The following CCDC93 variants were observed in gnomAD, a reference collection of about 807,000 sequenced individuals.
CCDC93 encodes CCC complex scaffolding subunit CCDC93.
Under a neutral mutation model 108.2 loss-of-function variants are expected in CCDC93, and 61 were observed. The ratio of observed to expected loss-of-function variants is 0.56; its 90% CI spans 0.46 to 0.70. The LOEUF is 0.70. CCDC93 is among the 30% of genes least tolerant of loss of function. CCDC93 has a pLI of 0.00. For missense variants in CCDC93, 685 were observed against 764.2 expected (o/e 0.90, Z 1.22); for synonymous variants, 276 against 260.4 (o/e 1.06, Z -0.58).
At chr2:118,006,395 G>A (rs1410889544) in intron 3 of CCDC93, among the ~76,000 whole-genome samples, 1 of 152,172 alleles carries the variant, frequency 6.6e-6, no homozygotes, top group Admixed American at 6.5e-5. Context: ...AGACCATGCT[G>A]CTTTCTCTCG....
chr2:117,924,308 G>T (rs145187311), intron 23 of CCDC93, among the ~76,000 whole-genome samples: 1 of 152,180 alleles, frequency 6.6e-6, no homozygotes, highest in Non-Finnish European at 1.5e-5. Context: ...AGAGAAGAAC[G>T]CTTCAGACGA....
At chr2:117,990,481 C>A (rs745822725) in intron 6 of CCDC93, among the ~76,000 whole-genome samples, 1 of 152,188 alleles carries the variant, frequency 6.6e-6, no homozygotes, top group Non-Finnish European at 1.5e-5. Context: ...AAGTTCACAG[C>A]GGCCTTTCTG....
chr2:117,924,975 C>G (rs1302615513), intron 23 of CCDC93, among the ~76,000 whole-genome samples: 1 of 152,206 alleles, frequency 6.6e-6, no homozygotes, highest in Non-Finnish European at 1.5e-5. Flanking sequence ...CAATATTCAA[C>G]ATTCCTAAAG....
chr2:117,968,480 A>T, intron 11 of CCDC93, among the ~76,000 whole-genome samples: 1 of 152,204 alleles, frequency 6.6e-6, no homozygotes, highest in East Asian at 1.9e-4. Context: ...TACTCAGCCT[A>T]GAGTCTACGG....
At chr2:117,958,285 T>G (rs1679280200) in intron 12 of CCDC93, 80 bp downstream of exon 12, 3 of 901,350 alleles carry the variant, frequency 3.3e-6, no homozygotes, top group Admixed American at 1.8e-5. Flanking sequence ...CACCACAGTA[T>G]GCCAACCCCC....
chr2:117,958,326 T>A, intron 12 of CCDC93, 39 bp downstream of exon 12: 1 of 1,301,762 alleles, frequency 7.7e-7, no homozygotes, highest in Non-Finnish European at 1.1e-6. Flanking sequence ...CAATCTACCA[T>A]GAAGATCTTG....
At chr2:117,970,715 C>G (rs962092423) in intron 11 of CCDC93, among the ~76,000 whole-genome samples, 3 of 152,168 alleles carry the variant, frequency 2.0e-5, no homozygotes, top group Non-Finnish European at 4.4e-5. Flanking sequence ...TGGATGAGTT[C>G]TCTGTAACCT....
intron 6 of CCDC93, among the ~76,000 whole-genome samples, chr2:117,987,749 A>G (rs903654796): frequency 1.5e-4 from 23 of 152,250 alleles, no homozygotes; most frequent in Admixed American, 7.2e-4. Context: ...AGATTAATAA[A>G]AAATCTACCA....
chr2:117,997,979 G>C (rs1037902253), intron 4 of CCDC93: 2 of 152,238 alleles, frequency 1.3e-5, no homozygotes, highest in Non-Finnish European at 2.9e-5. Flanking sequence ...CATTATGAAG[G>C]GAAAGCTTGT....
intron 15 of CCDC93, 59 bp downstream of exon 15, chr2:117,948,046 G>A (rs1321649189): frequency 7.3e-7 from 1 of 1,376,154 alleles, no homozygotes; most frequent in Non-Finnish European, 1.0e-6. Context: ...GACAACGGAG[G>A]TAAACCAAGA....
chr2:117,980,097 A>T (rs2104791172), intron 7 of CCDC93, among the ~76,000 whole-genome samples: 1 of 152,308 alleles, frequency 6.6e-6, no homozygotes, highest in South Asian at 2.1e-4. Context: ...AAGCCGCTAT[A>T]GCACCAGCTT....
chr2:117,965,003 C>G (rs1182086477), intron 11 of CCDC93, among the ~76,000 whole-genome samples: 2 of 151,994 alleles, frequency 1.3e-5, no homozygotes, highest in African/African-American at 4.8e-5. Context: ...AACAGGAATA[C>G]AAAGATAAAA....
At chr2:117,964,018 G>C (rs892591899) in intron 11 of CCDC93, among the ~76,000 whole-genome samples, 31 of 152,266 alleles carry the variant, frequency 2.0e-4, no homozygotes, top group African/African-American at 7.5e-4. Flanking sequence ...TACTAATTAC[G>C]TAAGAGTCGA....
chr2:117,966,974 C>T (rs1240173621), intron 11 of CCDC93, among the ~76,000 whole-genome samples: 3 of 152,168 alleles, frequency 2.0e-5, no homozygotes, highest in African/African-American at 7.2e-5. Context: ...TGACATTCTT[C>T]GGGCTAGGAT....
intron 3 of CCDC93, among the ~76,000 whole-genome samples, chr2:118,003,142 A>G (rs1676758082): frequency 6.6e-6 from 1 of 152,174 alleles, no homozygotes; most frequent in Non-Finnish European, 1.5e-5. Flanking sequence ...TTTGGGACAC[A>G]TGCATCTTTT....
At chr2:117,944,229 G>A in intron 17 of CCDC93, 143 bp from the exon 18 acceptor site, 1 of 572,352 alleles carries the variant, frequency 1.7e-6, no homozygotes, top group South Asian at 2.6e-5. Flanking sequence ...CAAGTTTACT[G>A]TCTGGGTCCT....
intron 6 of CCDC93, among the ~76,000 whole-genome samples, chr2:117,991,995 G>C (rs1269917249): frequency 6.6e-6 from 1 of 152,142 alleles, no homozygotes; most frequent in African/African-American, 2.4e-5. Context: ...GTAGAAGGGA[G>C]GGAGGAAAGT....
At chr2:117,955,333 T>G (rs1363669772) in intron 12 of CCDC93, among the ~76,000 whole-genome samples, 1 of 152,156 alleles carries the variant, frequency 6.6e-6, no homozygotes, top group East Asian at 1.9e-4. Flanking sequence ...GCATCTCAGA[T>G]GCCTTCTGCC....
chr2:117,935,926 AATTTC>A (rs1200971678), intron 21 of CCDC93: 1 of 174,016 alleles, frequency 5.7e-6, no homozygotes, highest in African/African-American at 2.4e-5. Context: ...ATAAGTAATG[AATTTC>A]ATTTGGTTTA....
Sources: gnomAD v4.1 joint callset for allele counts (sites outside exome capture counted in the v4.1 genomes callset) on GRCh38, gnomAD v4.1.1 for gene constraint, MANE v1.5 for transcripts, NCBI Gene and HGNC (gene_info 2026-07-23, HGNC 2026-07-21) for gene names.